The following OPHN1 variants were observed in gnomAD, a reference collection of about 807,000 sequenced individuals.
OPHN1 encodes the protein oligophrenin 1, also known as oligophrenin-1.
OPHN1 carries 11 observed loss-of-function variants against 60.7 expected under a neutral mutation model. That is an observed-to-expected ratio of 0.18 (90% CI 0.11 to 0.30). The LOEUF (loss-of-function observed/expected upper bound fraction) is 0.30, where lower values mean the gene tolerates loss of function less well. Ranked by LOEUF, OPHN1 falls within the 10% of genes least tolerant of loss-of-function variation. OPHN1 has a pLI of 1.00. For synonymous variants in OPHN1, 226 were observed against 222.6 expected, an observed-to-expected ratio of 1.02 and a Z score of -0.14; for missense variants, 449 against 611.0, an observed-to-expected ratio of 0.73 and a Z score of 2.80.
chrX:68,264,836 G>A (rs2077914524), intron 5 of OPHN1, among the ~76,000 whole-genome samples: 1 of 112,429 alleles, frequency 8.9e-6, no homozygotes, highest in African/African-American at 3.2e-5. Flanking sequence ...CCCTAATACT[G>A]TGCTTTTCCA....
intron 5 of OPHN1, among the ~76,000 whole-genome samples, chrX:68,267,547 A>G (rs1602284319): frequency 2.7e-5 from 3 of 112,619 alleles, no homozygotes; most frequent in African/African-American, 9.7e-5. Flanking sequence ...AGGGAAACTG[A>G]TAGCACTAAA....
intron 5 of OPHN1, among the ~76,000 whole-genome samples, chrX:68,237,641 A>T (rs1318943018): frequency 8.9e-6 from 1 of 112,152 alleles, no homozygotes; most frequent in Non-Finnish European, 1.9e-5. Context: ...TAATGTTCAC[A>T]TTATTAATGT....
intron 15 of OPHN1, among the ~76,000 whole-genome samples, chrX:68,175,333 G>C (rs1374790122): frequency 9.0e-6 from 1 of 111,177 alleles, no homozygotes; most frequent in Non-Finnish European, 1.9e-5. Flanking sequence ...AGAAATTTGA[G>C]TACATAATTG....
chrX:68,135,200 A>C (rs768352117), intron 15 of OPHN1, among the ~76,000 whole-genome samples: 1 of 112,151 alleles, frequency 8.9e-6, no homozygotes, highest in East Asian at 2.8e-4. Flanking sequence ...ATTAATGAAT[A>C]TCTTTGACTT....
At chrX:68,310,771 T>A (rs751705176) in intron 2 of OPHN1, among the ~76,000 whole-genome samples, 24 of 112,057 alleles carry the variant, frequency 2.1e-4, no homozygotes, top group African/African-American at 7.1e-4. Context: ...TGCCAAAAAA[T>A]GGATTATTAG....
intron 3 of OPHN1, among the ~76,000 whole-genome samples, chrX:68,294,162 T>A (rs989416557): frequency 1.8e-5 from 2 of 110,522 alleles, no homozygotes; most frequent in Non-Finnish European, 3.8e-5. Flanking sequence ...AAAATACATA[T>A]AAGGGATCCT....
At chrX:68,384,569 A>C (rs1461109748) in intron 2 of OPHN1, among the ~76,000 whole-genome samples, 2 of 111,227 alleles carry the variant, frequency 1.8e-5, no homozygotes. Flanking sequence ...AAAAACTACA[A>C]AAATTAGCCA....
intron 15 of OPHN1, among the ~76,000 whole-genome samples, chrX:68,183,774 G>A (rs1369783656): frequency 8.9e-6 from 1 of 112,461 alleles, no homozygotes; most frequent in Admixed American, 9.4e-5. Context: ...CCCCATGTAT[G>A]CATGAAATAT....
Position 68,182,395 on chromosome X carries a change from AAGAG to A in OPHN1, c.1276+10520_1276+10523del, listed in dbSNP as rs1055606880. Among the ~76,000 whole-genome samples, 3 of 108,066 alleles carry A rather than the reference AAGAG, an allele frequency of 2.8e-5. No individual in the cohort carries two copies. In the Admixed American group the frequency reaches 3.0e-4, roughly 11 times the overall value. 93.8% of individuals were successfully genotyped at this position (108,066 alleles called of 115,157 possible). A position where few individuals can be genotyped will look rare whatever the true frequency, so the allele number is the denominator to read the frequency against. On this transcript the variant is annotated intron_variant, in intron 15 of 24. Coordinates refer to ENST00000355520, the MANE Select transcript of OPHN1 (RefSeq NM_002547.3). ...GGATAATGAGAGAGAGACAGAGAGA[AAGAG>A]AGAGGGGAAGGGAGGAAGGGAGGGA...
intron 2 of OPHN1, among the ~76,000 whole-genome samples, chrX:68,360,603 A>G (rs185419313): frequency 9.0e-6 from 1 of 111,129 alleles, no homozygotes; most frequent in African/African-American, 3.3e-5. Context: ...CAGCATGGGT[A>G]ACATAGTGAG....
At chrX:68,426,783 A>T (rs1232314001) in intron 2 of OPHN1, among the ~76,000 whole-genome samples, 1 of 97,356 alleles carries the variant, frequency 1.0e-5, no homozygotes, top group African/African-American at 3.6e-5. Flanking sequence ...AGTCCGGAAG[A>T]TCCTTTGAGC....
At chrX:68,241,729 G>T (rs963348472) in intron 5 of OPHN1, among the ~76,000 whole-genome samples, 1 of 111,140 alleles carries the variant, frequency 9.0e-6, no homozygotes, top group Admixed American at 9.6e-5. Flanking sequence ...AGACTAGCCC[G>T]GCCAACATGG....
intron 5 of OPHN1, among the ~76,000 whole-genome samples, chrX:68,245,681 G>A (rs1169137485): frequency 2.7e-5 from 3 of 112,564 alleles, no homozygotes; most frequent in African/African-American, 9.7e-5. Context: ...AGAATTCCCA[G>A]TCTCTACCTT....
intron 9 of OPHN1, among the ~76,000 whole-genome samples, chrX:68,209,013 G>A (rs1453848477): frequency 2.7e-5 from 3 of 112,267 alleles, no homozygotes; most frequent in Non-Finnish European, 5.6e-5. Flanking sequence ...ACTGCTCTAT[G>A]CAAAGAAAAG....
intron 19 of OPHN1, among the ~76,000 whole-genome samples, chrX:68,095,100 A>G (rs774864622): frequency 1.8e-5 from 2 of 112,039 alleles, no homozygotes; most frequent in African/African-American, 6.5e-5. Flanking sequence ...AAAATATTAT[A>G]TACTTTACTT....
At chrX:68,115,147 A>G (rs2077121756) in intron 16 of OPHN1, among the ~76,000 whole-genome samples, 1 of 112,550 alleles carries the variant, frequency 8.9e-6, no homozygotes, top group African/African-American at 3.2e-5. Flanking sequence ...GAATTGAATC[A>G]ATGATCAAAA....
chrX:68,049,621 T>C (rs1031702547), intron 23 of OPHN1, among the ~76,000 whole-genome samples: 1 of 112,093 alleles, frequency 8.9e-6, no homozygotes, highest in Non-Finnish European at 1.9e-5. Flanking sequence ...AGTGATCTTT[T>C]TACAACTTGG....
chrX:68,272,550 C>T (rs943872321), intron 5 of OPHN1, among the ~76,000 whole-genome samples: 1 of 112,240 alleles, frequency 8.9e-6, no homozygotes, highest in East Asian at 2.8e-4. Flanking sequence ...TAAACAAATA[C>T]TTACCATTGG....
At chrX:68,431,607 T>C (rs1296055307) in intron 2 of OPHN1, among the ~76,000 whole-genome samples, 2 of 108,713 alleles carry the variant, frequency 1.8e-5, no homozygotes, top group African/African-American at 6.7e-5. Flanking sequence ...TTTGTATTTT[T>C]AGTAGAGACA....
Sources: allele counts gnomAD v4.1 joint callset (sites outside exome capture counted in the v4.1 genomes callset), GRCh38; gene constraint gnomAD v4.1.1; transcripts MANE v1.5; gene names NCBI Gene and HGNC (gene_info 2026-07-23, HGNC 2026-07-21).